The following RTL9 variants were observed in gnomAD, a reference collection of about 807,000 sequenced individuals.
RTL9 encodes the protein retrotransposon Gag-like protein 9.
RTL9 carries 19 observed loss-of-function variants against 44.7 expected under a neutral mutation model. The observed-to-expected ratio is 0.42, with a 90% confidence interval of 0.30 to 0.62. The LOEUF (loss-of-function observed/expected upper bound fraction) is 0.62, where lower values mean the gene tolerates loss of function less well. Among genes scored for constraint, RTL9 ranks in the 20% least tolerant of loss-of-function variants. The pLI is 0.16. For synonymous variants in RTL9, 407 were observed against 398.9 expected, an observed-to-expected ratio of 1.02 and a Z score of -0.24; for missense variants, 1,105 against 1,080.6, an observed-to-expected ratio of 1.02 and a Z score of -0.32.
In RTL9 at chrX:110,422,998, C is replaced by T. The variant is rs897883531; in HGVS notation, c.-168+3863C>T. Among the ~76,000 whole-genome samples the T allele has an allele frequency of 2.3e-4, 26 of 111,683 alleles. No individual in the cohort carries two copies. In the Admixed American group the frequency reaches 2.4e-3, roughly 10 times the overall value. ...TGTAGCCTAGGCCGTGAGTTGATCC[C>T]ACCCCGTCATGTCCTGTACCCTTCA... On this transcript the variant is annotated intron_variant, in intron 1 of 3. Coordinates refer to the RTL9 transcript ENST00000465301.
At chrX:110,414,091 T>A (rs992480013), upstream of RTL9, among the ~76,000 whole-genome samples, 2 of 111,855 alleles carry the variant, frequency 1.8e-5, no homozygotes, top group Non-Finnish European at 3.8e-5. Context: ...CCTGTGTCTT[T>A]CTGCTGCATC....
rs764855971 is a variant in RTL9, at chrX:110,364,545, A to T, written c.-168+5629A>T. 7.9e-4 allele frequency among the ~76,000 whole-genome samples: 88 copies of T among 111,638 alleles called. 1 individual carries two copies. In the Admixed American group the frequency reaches 8.4e-3, roughly 11 times the overall value. On this transcript the variant is annotated intron_variant, in intron 1 of 2. Coordinates refer to the RTL9 transcript ENST00000520821. ...TTTCCTACTGGGATTTATCAAGATGAATTAATAAATTGACATTTTGGCTTC... is the reference window on the plus strand; with the variant it reads ...TTTCCTACTGGGATTTATCAAGATGTATTAATAAATTGACATTTTGGCTTC...
chrX:110,386,237 A>AATTCC (rs2148280651), intron 1 of RTL9, among the ~76,000 whole-genome samples: 1 of 111,250 alleles, frequency 9.0e-6, no homozygotes, highest in East Asian at 2.8e-4. Flanking sequence ...CACTATTTAA[A>AATTCC]ATTCCCTCCA....
At chrX:110,414,100 T>A (rs916922672), upstream of RTL9, among the ~76,000 whole-genome samples, 64 of 111,826 alleles carry the variant, frequency 5.7e-4, no homozygotes, top group African/African-American at 2.0e-3. Context: ...TTCTGCTGCA[T>A]CCATGAGGCA....
chrX:110,368,611 G>A (rs1426618328), intron 1 of RTL9, among the ~76,000 whole-genome samples: 1 of 111,835 alleles, frequency 8.9e-6, no homozygotes, highest in African/African-American at 3.3e-5. Context: ...CTCTCTGCAT[G>A]CTTCCTACAA....
chrX:110,429,458 GTT>G (rs554736940), intron 1 of RTL9, among the ~76,000 whole-genome samples: 13,335 of 80,643 alleles, frequency 0.17, 2,631 homozygotes, highest in African/African-American at 0.55. Context: ...GAGAAAAAGT[GTT>G]TTTTTTTTTT....
chrX:110,445,314 G>A (rs1328511057), intron 2 of RTL9, 46 bp downstream of exon 2: 5 of 112,432 alleles, frequency 4.4e-5, no homozygotes, highest in Non-Finnish European at 9.4e-5. Context: ...TTCTTTAGCT[G>A]ATTTAGAAAA....
exon 1 of RTL9, chrX:110,453,672 A>T: frequency 8.2e-7 from 1 of 1,212,165 alleles, no homozygotes; most frequent in Non-Finnish European, 1.1e-6. Context: ...CACAGCGCCA[A>T]TTAGAGCCTC....
At chrX:110,449,259 ATC>A (rs923317178), upstream of RTL9, among the ~76,000 whole-genome samples, 1 of 111,981 alleles carries the variant, frequency 8.9e-6, no homozygotes, top group African/African-American at 3.3e-5. Flanking sequence ...TACAACCGAA[ATC>A]TCTTAGTGTT....
chrX:110,440,200 G>A (rs758674209), intron 1 of RTL9: 1 of 110,804 alleles, frequency 9.0e-6, no homozygotes, highest in African/African-American at 3.3e-5. Flanking sequence ...TGGCAGGAGC[G>A]ACTGTCCTCT....
intron 1 of RTL9, among the ~76,000 whole-genome samples, chrX:110,396,427 G>A (rs781594074): frequency 1.6e-4 from 17 of 108,841 alleles, no homozygotes; most frequent in East Asian, 5.6e-4. Flanking sequence ...ATACAATGAC[G>A]AAATTATTAT....
chrX:110,394,843 G>T (rs2068518295), intron 1 of RTL9, among the ~76,000 whole-genome samples: 1 of 112,965 alleles, frequency 8.9e-6, no homozygotes, highest in South Asian at 3.6e-4. Context: ...TAGGCCTCCA[G>T]GAAGAGGAGG....
intron 1 of RTL9, among the ~76,000 whole-genome samples, chrX:110,406,057 C>G (rs1376544040): frequency 9.0e-6 from 1 of 110,879 alleles, no homozygotes; most frequent in Non-Finnish European, 1.9e-5. Flanking sequence ...CTCTCCACCT[C>G]CACCCCCGAC....
intron 1 of RTL9, among the ~76,000 whole-genome samples, chrX:110,392,406 G>A (rs1052771006): frequency 9.2e-6 from 1 of 108,464 alleles, no homozygotes; most frequent in African/African-American, 3.4e-5. Flanking sequence ...CTCCCAAGTA[G>A]TTAGGACTTA....
At chrX:110,403,042 C>A (rs2068575566) in intron 1 of RTL9, among the ~76,000 whole-genome samples, 1 of 111,586 alleles carries the variant, frequency 9.0e-6, no homozygotes, top group Non-Finnish European at 1.9e-5. Context: ...AGGTGCCCCT[C>A]CCTGTAGGCT....
chrX:110,451,840 C>G, exon 1 of RTL9: 1 of 1,212,076 alleles, frequency 8.3e-7, no homozygotes, highest in Non-Finnish European at 1.1e-6. Flanking sequence ...GCTTTAGATT[C>G]TGGAGCAATG....
chrX:110,446,101 A>G (rs1174915485), upstream of RTL9, among the ~76,000 whole-genome samples: 1 of 111,420 alleles, frequency 9.0e-6, no homozygotes, highest in African/African-American at 3.3e-5. Flanking sequence ...TTTGCAAGCA[A>G]TTGAATGATA....
At position 110,408,571 on chromosome X, in the gene RTL9, G is replaced by A. The variant is rs571524607; in HGVS notation, c.-167-36582G>A. Among the ~76,000 whole-genome samples, 25 of 111,961 alleles carry A rather than the reference G, an allele frequency of 2.2e-4. No homozygotes were observed. In the South Asian group the frequency reaches 7.5e-3, roughly 34 times the overall value. On this transcript the variant is annotated intron_variant, in intron 1 of 2. Transcript: ENST00000520821. The stretch of plus-strand genomic sequence containing the variant: ...TAAAGGGTTTTGCTTCCCCTGCCCC[G>A]ACCCCACAGTTTTAATCAACTATTC...
intron 1 of RTL9, among the ~76,000 whole-genome samples, chrX:110,369,202 C>T (rs1236191771): frequency 1.8e-5 from 2 of 110,635 alleles, no homozygotes; most frequent in African/African-American, 3.3e-5. Context: ...TGTGGTGGCA[C>T]GCTCCTGTGG....
Sources: allele counts gnomAD v4.1 joint callset (sites outside exome capture counted in the v4.1 genomes callset), GRCh38; gene constraint gnomAD v4.1.1; transcripts MANE v1.5; gene names NCBI Gene and HGNC (gene_info 2026-07-23, HGNC 2026-07-21).